Variants in CD2AP observed in about 807,000 individuals in gnomAD.
CD2AP encodes the protein CD2-associated protein.
Under a neutral mutation model 85.1 loss-of-function variants are expected in CD2AP, and 46 were observed. That is an observed-to-expected ratio of 0.54 (90% confidence interval 0.43 to 0.69). The LOEUF (loss-of-function observed/expected upper bound fraction) is 0.69. Ranked by LOEUF, CD2AP falls within the 30% of genes least tolerant of loss-of-function variation. The pLI is 0.00. For missense variants in CD2AP, 769 were observed against 729.5 expected (o/e 1.05, Z -0.62); for synonymous variants, 255 against 252.9 (o/e 1.01, Z -0.08).
intron 1 of CD2AP, among the ~76,000 whole-genome samples, chr6:47,481,717 C>T (rs1765449769): frequency 6.6e-6 from 1 of 151,978 alleles, no homozygotes; most frequent in Non-Finnish European, 1.5e-5. Context: ...AGAGTGATTT[C>T]TTTATGTTAC....
At chr6:47,618,372 G>A (rs1279291665) in intron 17 of CD2AP, among the ~76,000 whole-genome samples, 1 of 152,044 alleles carries the variant, frequency 6.6e-6, no homozygotes, top group Non-Finnish European at 1.5e-5. Context: ...TATAAGAGAT[G>A]TATATATAAT....
chr6:47,609,310 T>C lies in CD2AP; in HGVS notation c.1814+6T>C, dbSNP rs1769361126. 2 of 1,607,898 alleles carry C rather than the reference T, an allele frequency of 1.2e-6. No homozygotes were observed. The highest frequency in any genetic ancestry group is 1.1e-5 in the South Asian group (1 of 90,962). On this transcript the variant is annotated splice_donor_region_variant and intron_variant, in intron 16 of 17. Transcript: ENST00000359314. The stretch of plus-strand genomic sequence containing the variant: ...GCACTGAAAAAGGATCACGGGTAAG[T>C]AGCCCTTCTTTTCTCCTGTGAGTAC...
chr6:47,616,782 T>A (rs1238083459), intron 17 of CD2AP, among the ~76,000 whole-genome samples: 1 of 152,156 alleles, frequency 6.6e-6, no homozygotes, highest in African/African-American at 2.4e-5. Flanking sequence ...TCACCTTCAA[T>A]TCAGTCTGTA....
At chr6:47,599,245 TAAAA>T (rs1582609059) in intron 12 of CD2AP, 52 bp from the exon 13 acceptor site, 2 of 1,448,166 alleles carry the variant, frequency 1.4e-6, no homozygotes, top group African/African-American at 2.8e-5. Context: ...AATCACAATT[TAAAA>T]AAAAGTCGTG....
chr6:47,517,776 T>C (rs1359719229), intron 2 of CD2AP, among the ~76,000 whole-genome samples: 1 of 152,170 alleles, frequency 6.6e-6, no homozygotes, highest in African/African-American at 2.4e-5. Context: ...GACTTGTGTT[T>C]CCCTGGGTAA....
At chr6:47,610,972 T>TATGTA (rs1491427733) in intron 16 of CD2AP, among the ~76,000 whole-genome samples, 20 of 56,340 alleles carry the variant, frequency 3.5e-4, no homozygotes, top group South Asian at 3.1e-3. Context: ...TATATATGTA[T>TATGTA]TTTTTTTTTT....
At chr6:47,600,956 G>A (rs1007799000) in intron 13 of CD2AP, among the ~76,000 whole-genome samples, 1 of 151,758 alleles carries the variant, frequency 6.6e-6, no homozygotes, top group Non-Finnish European at 1.5e-5. Context: ...GAGTCCCTTT[G>A]GGAATTGAAG....
chr6:47,543,906 T>G (rs1472507392), intron 3 of CD2AP, among the ~76,000 whole-genome samples: 4 of 152,218 alleles, frequency 2.6e-5, no homozygotes, highest in African/African-American at 4.8e-5. Flanking sequence ...AAACACACTT[T>G]GAGTATCAAG....
chr6:47,531,536 G>T (rs1197263267), intron 2 of CD2AP, among the ~76,000 whole-genome samples: 3 of 150,614 alleles, frequency 2.0e-5, no homozygotes, highest in African/African-American at 2.4e-5. Context: ...CACTGAGCCA[G>T]TGCATACCTT....
In CD2AP at chr6:47,477,863, G is replaced by T; in HGVS notation, c.-382G>T. The T allele has an allele frequency of 3.0e-6, 1 of 330,994 alleles. No individual in the cohort carries two copies. Among genetic ancestry groups the T allele is most frequent in the African/African-American group, 2.2e-5 (1 of 45,130 alleles). The allele number at this position is 330,994 out of a possible 1,614,324, so 20.5% of individuals were successfully genotyped here. ...GAGTGCTAAGGAAGAGGCGAGGGGCGGGCTCCGAGGCTAGGCGGGCGCTCG... is the reference window on the plus strand; with the variant it reads ...GAGTGCTAAGGAAGAGGCGAGGGGCTGGCTCCGAGGCTAGGCGGGCGCTCG... On this transcript the variant is annotated 5_prime_UTR_variant, in exon 1 of 18. Transcript: ENST00000359314.
At chr6:47,614,788 C>G (rs115350413) in intron 17 of CD2AP, among the ~76,000 whole-genome samples, 5,625 of 152,266 alleles carry the variant, frequency 0.037, 336 homozygotes, top group African/African-American at 0.13. Context: ...CTGTAGTTCT[C>G]TCTTCTGTGC....
At chr6:47,491,547 A>G (rs1045720423) in intron 1 of CD2AP, among the ~76,000 whole-genome samples, 17 of 152,090 alleles carry the variant, frequency 1.1e-4, no homozygotes, top group African/African-American at 4.1e-4. Flanking sequence ...CCATTGTGAT[A>G]TTTATCTGTA....
chr6:47,603,107 G>A (rs953759547), intron 13 of CD2AP, among the ~76,000 whole-genome samples: 3 of 151,814 alleles, frequency 2.0e-5, no homozygotes, highest in African/African-American at 7.3e-5. Flanking sequence ...CTGTTGAGTA[G>A]CATATACTAT....
chr6:47,499,307 ATGTGTG>A (rs34508069), intron 1 of CD2AP, among the ~76,000 whole-genome samples: 2 of 150,242 alleles, frequency 1.3e-5, no homozygotes, highest in Non-Finnish European at 3.0e-5. Flanking sequence ...GTGTATGTGC[ATGTGTG>A]TGTGTGTGTG....
At chr6:47,587,778 T>C (rs1054060826) in intron 11 of CD2AP, among the ~76,000 whole-genome samples, 1 of 152,088 alleles carries the variant, frequency 6.6e-6, no homozygotes, top group African/African-American at 2.4e-5. Context: ...ACTAAAATGG[T>C]AACTTTTATC....
At position 47,589,150 on chromosome 6, in the gene CD2AP, A is replaced by G. The variant is rs375006763; in HGVS notation, c.1109-6711A>G. Among the ~76,000 whole-genome samples the G allele has an allele frequency of 1.1e-4, 16 of 152,202 alleles. No individual in the cohort carries two copies. In the East Asian group the frequency reaches 2.3e-3, roughly 22 times the overall value. Reference sequence around the variant, plus strand: ...ATAGAGACAGTTTCTGGAGGAAACCATGTGAATTCAGCTTTTGACATGGGA... The same window carrying G: ...ATAGAGACAGTTTCTGGAGGAAACCGTGTGAATTCAGCTTTTGACATGGGA... On this transcript the variant is annotated intron_variant, in intron 11 of 17. Transcript: ENST00000359314.
chr6:47,525,592 A>G (rs1358791865), intron 2 of CD2AP, among the ~76,000 whole-genome samples: 1 of 152,160 alleles, frequency 6.6e-6, no homozygotes, highest in South Asian at 2.1e-4. Flanking sequence ...ATATTACAAC[A>G]TGAAGGAGTG....
At chr6:47,570,881 A>C (rs1036281555) in intron 5 of CD2AP, among the ~76,000 whole-genome samples, 2 of 152,160 alleles carry the variant, frequency 1.3e-5, no homozygotes, top group Non-Finnish European at 2.9e-5. Flanking sequence ...CGTGGTAGTA[A>C]AATTTGGTAT....
At chr6:47,617,116 T>C (rs540503148) in intron 17 of CD2AP, among the ~76,000 whole-genome samples, 2 of 151,996 alleles carry the variant, frequency 1.3e-5, no homozygotes, top group Non-Finnish European at 2.9e-5. Context: ...AGGCATGCAC[T>C]TTCATGCCTG....
Sources: allele counts gnomAD v4.1 joint callset (sites outside exome capture counted in the v4.1 genomes callset), GRCh38; gene constraint gnomAD v4.1.1; transcripts MANE v1.5; gene names NCBI Gene and HGNC (gene_info 2026-07-23, HGNC 2026-07-21).